The following TANC2 variants were observed in gnomAD, a reference collection of about 807,000 sequenced individuals.
The protein encoded by TANC2 is protein TANC2.
Under a neutral mutation model 210.5 loss-of-function variants are expected in TANC2, and 26 were observed. That is an observed-to-expected ratio of 0.12 (90% confidence interval 0.09 to 0.17). The LOEUF (loss-of-function observed/expected upper bound fraction) is 0.17, where lower values mean the gene tolerates loss of function less well. Ranked by LOEUF, TANC2 falls within the 10% of genes least tolerant of loss-of-function variation. The pLI, the probability that TANC2 is intolerant of heterozygous loss-of-function variation, is 1.00. For synonymous variants in TANC2, 931 were observed against 967.1 expected, an observed-to-expected ratio of 0.96 and a Z score of 0.69; for missense variants, 2,129 against 2,608.9, an observed-to-expected ratio of 0.82 and a Z score of 4.01.
At chr17:63,103,646 A>C (rs2144948311) in intron 4 of TANC2, among the ~76,000 whole-genome samples, 1 of 152,250 alleles carries the variant, frequency 6.6e-6, no homozygotes, top group South Asian at 2.1e-4. Context: ...CTTTTTAAAA[A>C]CCGTGTTTAA....
At chr17:63,056,997 T>C (rs2035829875) in intron 2 of TANC2, among the ~76,000 whole-genome samples, 1 of 152,096 alleles carries the variant, frequency 6.6e-6, no homozygotes, top group African/African-American at 2.4e-5. Context: ...TTGTTTTTTT[T>C]TTTAAGAGAC....
chr17:63,281,464 TAAAG>T (rs1032966929), intron 9 of TANC2, among the ~76,000 whole-genome samples: 17 of 152,000 alleles, frequency 1.1e-4, no homozygotes, highest in African/African-American at 4.1e-4. Flanking sequence ...GCTCTGCAAA[TAAAG>T]AAACACCCAG....
At position 63,418,237 on chromosome 17, in the gene TANC2, G is replaced by A; in HGVS notation, c.4168-70G>A. 2 of 1,445,260 alleles carry A rather than the reference G, an allele frequency of 1.4e-6. No individual in the cohort carries two copies. Among genetic ancestry groups the A allele is most frequent in the Non-Finnish European group, 1.9e-6 (2 of 1,050,984 alleles). The allele number at this position is 1,445,260 out of a possible 1,614,324, so 89.5% of individuals were successfully genotyped here. A position where few individuals can be genotyped will look rare whatever the true frequency, so the allele number is the denominator to read the frequency against. ...ATGTCAAAAAATGTACAAATAATTT[G>A]TTTTATTCCCAAGTTGTCTATTTTT... is the stretch of plus-strand genomic sequence containing the variant. On this transcript the variant is annotated intron_variant, in intron 26 of 27. Coordinates refer to ENST00000689528, the Ensembl canonical transcript of TANC2. This position sits in a 1 kb window ranked among gnomAD's most constrained non-coding sequence, Gnocchi z 4.6.
chr17:63,198,975 CTTGG>C, intron 6 of TANC2, among the ~76,000 whole-genome samples: 1 of 152,160 alleles, frequency 6.6e-6, no homozygotes, highest in South Asian at 2.1e-4. Context: ...AAAAGATTTA[CTTGG>C]TTGGAGGGTA....
chr17:63,350,638 G>A (rs781771665), intron 12 of TANC2, among the ~76,000 whole-genome samples: 4 of 151,996 alleles, frequency 2.6e-5, no homozygotes, highest in Admixed American at 6.5e-5. Context: ...GTCTCATTGC[G>A]GCTGCTTTAG....
At chr17:63,368,269 A>G (rs1435514344) in intron 14 of TANC2, among the ~76,000 whole-genome samples, 1 of 152,244 alleles carries the variant, frequency 6.6e-6, no homozygotes, top group Non-Finnish European at 1.5e-5. Context: ...AGGAGGAAGA[A>G]CAGGCTTATG....
At chr17:63,401,358 ATTAACT>A (rs2048337723) in intron 19 of TANC2, among the ~76,000 whole-genome samples, 1 of 152,342 alleles carries the variant, frequency 6.6e-6, no homozygotes, top group South Asian at 2.1e-4. Context: ...CTAAGACACC[ATTAACT>A]TTAAGAAACT....
chr17:63,097,459 A>G (rs1400136297), intron 3 of TANC2, among the ~76,000 whole-genome samples: 3 of 152,122 alleles, frequency 2.0e-5, no homozygotes, highest in Non-Finnish European at 4.4e-5. Context: ...GCACCAACCT[A>G]ATAAATCAGG....
At chr17:62,981,117 C>T (rs1283821154) in intron 1 of TANC2, among the ~76,000 whole-genome samples, 1 of 152,112 alleles carries the variant, frequency 6.6e-6, no homozygotes, top group Non-Finnish European at 1.5e-5. Flanking sequence ...TTTAGTGCTG[C>T]CCAGCTGTCT....
intron 15 of TANC2, among the ~76,000 whole-genome samples, chr17:63,382,834 T>G (rs981471693): frequency 2.6e-5 from 4 of 152,220 alleles, no homozygotes; most frequent in African/African-American, 7.2e-5. Context: ...TATTTTGGGT[T>G]TTTTAATGCT....
exon 28 of TANC2, chr17:63,427,054 A>C (rs2049163205): frequency 6.6e-6 from 1 of 152,210 alleles, no homozygotes; most frequent in South Asian, 2.1e-4. Context: ...CCTGTAAGTT[A>C]CACTTCCTGT....
intron 7 of TANC2, among the ~76,000 whole-genome samples, chr17:63,212,524 A>T (rs1297516403): frequency 6.6e-6 from 1 of 152,204 alleles, no homozygotes; most frequent in Admixed American, 6.5e-5. Context: ...AAATAATACA[A>T]CAAAAATGCA....
intron 9 of TANC2, among the ~76,000 whole-genome samples, chr17:63,281,424 A>C (rs570847457): frequency 2.6e-5 from 4 of 152,210 alleles, no homozygotes; most frequent in Admixed American, 2.0e-4. Context: ...TGACTACTGA[A>C]CCATATATGT....
At chr17:63,129,113 G>A (rs2038822795) in intron 4 of TANC2, among the ~76,000 whole-genome samples, 1 of 152,018 alleles carries the variant, frequency 6.6e-6, no homozygotes, top group South Asian at 2.1e-4. Flanking sequence ...TCCCACCTCA[G>A]CCTCCAAAAT....
chr17:63,295,210 AGTT>A (rs1448808574), intron 9 of TANC2, among the ~76,000 whole-genome samples: 1 of 152,134 alleles, frequency 6.6e-6, no homozygotes, highest in Admixed American at 6.5e-5. Flanking sequence ...TGGTGTCTAC[AGTT>A]GTTTTGCCAT....
Position 63,420,811 on chromosome 17 carries a change from C to T in TANC2, c.5081C>T (p.Ala1694Val), listed in dbSNP as rs1305570834. The stretch of plus-strand genomic sequence containing the variant: ...GGGCTCAGGCTACAGCCTGCCAAGG[C>T]CCAGATTGTGAGAAGTAACCAGCCC... Residue 1694 changes from alanine (A) to valine (V), a missense_variant, in exon 28 of 28, where the codon GCC becomes GTC. Ala to Val is a moderately conservative substitution (Grantham distance 64). Coordinates refer to ENST00000689528, the Ensembl canonical transcript of TANC2. This position sits in a 1 kb window ranked among gnomAD's most constrained non-coding sequence, Gnocchi z 4.2. The T allele has an allele frequency of 1.2e-6, 2 of 1,613,992 alleles. No homozygotes were observed. The highest frequency in any genetic ancestry group is 1.7e-6 in the Non-Finnish European group (2 of 1,179,880).
At chr17:63,186,731 T>C (rs567572109) in intron 5 of TANC2, among the ~76,000 whole-genome samples, 49 of 152,340 alleles carry the variant, frequency 3.2e-4, no homozygotes, top group Middle Eastern at 6.8e-3. Flanking sequence ...GTCTTTATGG[T>C]GACATATTCC....
chr17:63,132,392 T>C (rs979272356), intron 4 of TANC2, among the ~76,000 whole-genome samples: 16 of 152,204 alleles, frequency 1.1e-4, no homozygotes, highest in African/African-American at 3.6e-4. Context: ...TAAGTATTTA[T>C]AGAACACCCT....
chr17:63,055,082 C>T (rs922597045), intron 2 of TANC2, among the ~76,000 whole-genome samples: 9 of 152,204 alleles, frequency 5.9e-5, no homozygotes, highest in African/African-American at 2.2e-4. Flanking sequence ...GAGGAATAGT[C>T]ACCCAGTTGC....
Sources: gnomAD v4.1 joint callset for allele counts (sites outside exome capture counted in the v4.1 genomes callset) on GRCh38, gnomAD v4.1.1 for gene constraint, Gnocchi (gnomAD v3.1) non-coding constraint, MANE v1.5 for transcripts, NCBI Gene and HGNC (gene_info 2026-07-23, HGNC 2026-07-21) for gene names.